FOXO1: variants seen among roughly 807,000 people sequenced by gnomAD.
FOXO1 encodes the protein forkhead box O1.
FOXO1 carries 6 observed loss-of-function variants against 44.1 expected under a neutral mutation model. The observed-to-expected ratio is 0.14, with a 90% CI of 0.07 to 0.27. The LOEUF (loss-of-function observed/expected upper bound fraction) is 0.27. Ranked by LOEUF, FOXO1 falls within the 10% of genes least tolerant of loss-of-function variation. The pLI, the probability that FOXO1 is intolerant of heterozygous loss-of-function variation, is 1.00. For synonymous variants in FOXO1, 380 were observed against 362.7 expected, an observed-to-expected ratio of 1.05 and a Z score of -0.54; for missense variants, 737 against 888.8, an observed-to-expected ratio of 0.83 and a Z score of 2.17.
At chr13:40,657,532 C>T (rs904273076) in intron 1 of FOXO1, among the ~76,000 whole-genome samples, 1 of 152,072 alleles carries the variant, frequency 6.6e-6, no homozygotes, top group Non-Finnish European at 1.5e-5. Context: ...CAGGGTGTTG[C>T]CATGTTGGCC....
chr13:40,646,292 CT>C (rs199747779), intron 1 of FOXO1, among the ~76,000 whole-genome samples: 47,281 of 129,054 alleles, frequency 0.37, 7,617 homozygotes, highest in East Asian at 0.66. Context: ...CTTCTGTGAC[CT>C]TTTTTTTTTT....
intron 1 of FOXO1, among the ~76,000 whole-genome samples, chr13:40,594,673 C>CT (rs1875510958): frequency 6.6e-6 from 1 of 152,106 alleles, no homozygotes; most frequent in Non-Finnish European, 1.5e-5. Flanking sequence ...GGCTTCTCTC[C>CT]TCCATGCCAT....
At chr13:40,573,227 T>G (rs1200092051) in intron 1 of FOXO1, among the ~76,000 whole-genome samples, 1 of 152,192 alleles carries the variant, frequency 6.6e-6, no homozygotes, top group Non-Finnish European at 1.5e-5. Context: ...CAGAGCAGCT[T>G]TCACCACTGC....
At chr13:40,630,987 C>T (rs966658871) in intron 1 of FOXO1, among the ~76,000 whole-genome samples, 1 of 152,086 alleles carries the variant, frequency 6.6e-6, no homozygotes, top group Non-Finnish European at 1.5e-5. Flanking sequence ...GGGCAATTTT[C>T]CACCTAACAT....
At chr13:40,636,605 T>C (rs1877167009) in intron 1 of FOXO1, among the ~76,000 whole-genome samples, 2 of 138,408 alleles carry the variant, frequency 1.4e-5, no homozygotes, top group Admixed American at 1.6e-4. Flanking sequence ...CACTGCAACC[T>C]CCACCTCCTG....
intron 1 of FOXO1, among the ~76,000 whole-genome samples, chr13:40,642,258 A>G (rs1007331811): frequency 6.6e-6 from 1 of 152,228 alleles, no homozygotes; most frequent in East Asian, 1.9e-4. Flanking sequence ...TTTTTTTCAC[A>G]TTCTTAAGAA....
Position 40,666,125 on chromosome 13 carries a change from G to A in FOXO1, c.88C>T (p.Pro30Ser), listed in dbSNP as rs1878239361. Residue 30 changes from proline (P) to serine (S), a missense_variant, in exon 1 of 3, where the codon CCG (proline) becomes TCG (serine). Physicochemically the swap from Pro to Ser is moderately conservative, Grantham distance 74. Coordinates refer to ENST00000379561, the MANE Select transcript of FOXO1 (RefSeq NM_002015.4). ...PRSCTWPLPRPEFSQSNSATS... is the reference protein window; with the variant it reads ...PRSCTWPLPRSEFSQSNSATS... ...GCCGAGTTGGACTGGCTAAACTCCG[G>A]CCTGGGCAGCGGCCAGGTGCACGAG... The A allele has an allele frequency of 3.4e-6, 5 of 1,450,332 alleles. No homozygotes were observed. The highest frequency in any genetic ancestry group is 4.5e-6 in the Non-Finnish European group (5 of 1,104,582). The allele number at this position is 1,450,332 out of a possible 1,614,324, so 89.8% of individuals were successfully genotyped here. A position where few individuals can be genotyped will look rare whatever the true frequency, so the allele number is the denominator to read the frequency against.
intron 1 of FOXO1, among the ~76,000 whole-genome samples, chr13:40,617,837 G>T (rs751076438): frequency 3.3e-5 from 5 of 152,140 alleles, no homozygotes; most frequent in Non-Finnish European, 7.4e-5. Context: ...TCTGTACATT[G>T]TTTGTAATAC....
At chr13:40,623,497 A>C (rs1433848219) in intron 1 of FOXO1, among the ~76,000 whole-genome samples, 1 of 152,224 alleles carries the variant, frequency 6.6e-6, no homozygotes, top group Non-Finnish European at 1.5e-5. Flanking sequence ...GAAAATCAAC[A>C]TAAAATTGGA....
At chr13:40,559,087 T>C (rs569288354) in intron 2 of FOXO1, 53 bp from the exon 3 acceptor site, 117 of 402,804 alleles carry the variant, frequency 2.9e-4, no homozygotes, top group African/African-American at 1.8e-3. Context: ...AATGAAAATA[T>C]AGCCAAATTA....
chr13:40,631,459 T>G (rs952165148), intron 1 of FOXO1, among the ~76,000 whole-genome samples: 1 of 152,166 alleles, frequency 6.6e-6, no homozygotes, highest in African/African-American at 2.4e-5. Flanking sequence ...AATAGATACT[T>G]TGGACTTCAT....
At chr13:40,643,476 T>C (rs908516163) in intron 1 of FOXO1, among the ~76,000 whole-genome samples, 4 of 152,104 alleles carry the variant, frequency 2.6e-5, no homozygotes, top group African/African-American at 9.7e-5. Context: ...GAGCCTAAGA[T>C]ACTTCACATA....
intron 1 of FOXO1, chr13:40,619,564 C>T (rs1231255712): frequency 9.8e-5 from 140 of 1,423,810 alleles, no homozygotes; most frequent in Non-Finnish European, 1.4e-4. Context: ...AAACATTCCA[C>T]TTTCAGATAG....
At chr13:40,594,421 G>A (rs1875500421) in intron 1 of FOXO1, among the ~76,000 whole-genome samples, 1 of 152,128 alleles carries the variant, frequency 6.6e-6, no homozygotes, top group Admixed American at 6.6e-5. Flanking sequence ...GAGGCCCAGG[G>A]AGACAAAGTT....
chr13:40,624,037 G>A (rs1175573717), intron 1 of FOXO1, among the ~76,000 whole-genome samples: 1 of 151,522 alleles, frequency 6.6e-6, no homozygotes, highest in Non-Finnish European at 1.5e-5. Context: ...CCAGGAGTTT[G>A]AGGCTGTAAT....
At chr13:40,559,128 A>G (rs1442866441) in intron 2 of FOXO1, 94 bp from the exon 3 acceptor site, 1 of 404,150 alleles carries the variant, frequency 2.5e-6, no homozygotes, top group African/African-American at 2.1e-5. Flanking sequence ...GTTAAGAGTG[A>G]CAGACATACT....
At chr13:40,588,053 T>C (rs1000536686) in intron 1 of FOXO1, among the ~76,000 whole-genome samples, 2 of 152,190 alleles carry the variant, frequency 1.3e-5, no homozygotes, top group Non-Finnish European at 2.9e-5. Context: ...TCACATCTGC[T>C]ATGGTGCGGG....
intron 1 of FOXO1, among the ~76,000 whole-genome samples, chr13:40,584,541 A>G (rs1225628465): frequency 2.1e-5 from 3 of 146,266 alleles, no homozygotes; most frequent in African/African-American, 7.5e-5. Flanking sequence ...CTAGCTATTC[A>G]GGAGGCTGAG....
In FOXO1 at chr13:40,563,870, G is replaced by T. The variant is rs560883091; in HGVS notation, c.631-3010C>A. On this transcript the variant is annotated intron_variant, in intron 1 of 2. Coordinates refer to ENST00000379561, the MANE Select transcript of FOXO1 (RefSeq NM_002015.4). ...TTAAGATCAGCAGGCCCGCACTTGGGGTAGCACTGGAATGCAGCCCTGCAG... is the reference window on the plus strand; with the variant it reads ...TTAAGATCAGCAGGCCCGCACTTGGTGTAGCACTGGAATGCAGCCCTGCAG... Among the ~76,000 whole-genome samples the T allele has an allele frequency of 3.9e-5, 6 of 152,240 alleles. No homozygotes were observed. The East Asian group carries it at 1.2e-3, about 29-fold the overall frequency.
Sources: allele counts gnomAD v4.1 joint callset (sites outside exome capture counted in the v4.1 genomes callset), GRCh38; gene constraint gnomAD v4.1.1; transcripts MANE v1.5; gene names NCBI Gene and HGNC (gene_info 2026-07-23, HGNC 2026-07-21).